The following EPRS1 variants were observed in gnomAD, a reference collection of about 807,000 sequenced individuals.
EPRS1 encodes the protein bifunctional glutamate/proline--tRNA ligase.
A neutral mutation model predicts 188.3 loss-of-function variants in EPRS1; 107 were observed. That is an observed-to-expected ratio of 0.57 (90% CI 0.49 to 0.67). The LOEUF (loss-of-function observed/expected upper bound fraction) is 0.67. Ranked by LOEUF, EPRS1 falls within the 30% of genes least tolerant of loss-of-function variation. The pLI is 0.00. For synonymous variants in EPRS1, 596 were observed against 593.1 expected (o/e 1.00, Z -0.07); for missense variants, 1,577 against 1,802.2 (o/e 0.88, Z 2.26).
intron 2 of EPRS1, among the ~76,000 whole-genome samples, chr1:220,036,762 C>T (rs1321469162): frequency 3.9e-5 from 6 of 152,036 alleles, no homozygotes; most frequent in Admixed American, 6.6e-5. Flanking sequence ...ATAATATGTA[C>T]AGCAAACCCC....
intron 20 of EPRS1, 51 bp downstream of exon 20, chr1:219,987,091 A>G (rs2647434): frequency 0.82 from 1,287,273 of 1,561,412 alleles, 532,513 homozygotes; most frequent in African/African-American, 0.97. Context: ...ACTATTAAGA[A>G]TTGAATTAAT....
At chr1:219,969,575 A>G (rs1489416039) in intron 30 of EPRS1, among the ~76,000 whole-genome samples, 1 of 151,804 alleles carries the variant, frequency 6.6e-6, no homozygotes, top group South Asian at 2.1e-4. Flanking sequence ...CGCAAATTTC[A>G]CTTTATGCCA....
intron 1 of EPRS1, among the ~76,000 whole-genome samples, chr1:220,041,208 T>C (rs932488975): frequency 6.6e-6 from 1 of 151,924 alleles, no homozygotes; most frequent in East Asian, 1.9e-4. Flanking sequence ...GGTACACACC[T>C]GTGGTCCCAG....
intron 28 of EPRS1, 133 bp from the exon 29 acceptor site, chr1:219,973,531 G>GAA (rs34026037): frequency 0.032 from 11,413 of 355,556 alleles, 281 homozygotes; most frequent in African/African-American, 0.12. Flanking sequence ...AAAAACAAGA[G>GAA]AAAAAAAAAA....
chr1:219,990,691 T>C (rs151070115), intron 18 of EPRS1, among the ~76,000 whole-genome samples: 1 of 152,318 alleles, frequency 6.6e-6, no homozygotes, highest in African/African-American at 2.4e-5. Flanking sequence ...CTAGGAAAAC[T>C]GCTTTTCGAA....
intron 6 of EPRS1, among the ~76,000 whole-genome samples, chr1:220,028,149 T>C (rs895498645): frequency 2.6e-5 from 4 of 152,114 alleles, no homozygotes; most frequent in East Asian, 1.9e-4. Flanking sequence ...GGGCCATAAG[T>C]TCCCAGGAAG....
chr1:219,994,340 C>T (rs566524914), intron 18 of EPRS1, among the ~76,000 whole-genome samples: 8 of 152,204 alleles, frequency 5.3e-5, no homozygotes, highest in African/African-American at 1.9e-4. Context: ...TGCCTTGAGC[C>T]CTGAGCTACA....
intron 14 of EPRS1, 128 bp downstream of exon 14, chr1:220,007,074 T>C (rs564897324): frequency 6.0e-6 from 4 of 669,184 alleles, no homozygotes; most frequent in Admixed American, 3.7e-5. Context: ...GAATTTGCAG[T>C]AGCTATGTCT....
intron 17 of EPRS1, among the ~76,000 whole-genome samples, chr1:219,997,832 ATCAC>A (rs1661266000): frequency 6.6e-6 from 1 of 152,192 alleles, no homozygotes; most frequent in Non-Finnish European, 1.5e-5. Flanking sequence ...AGCATTAGGT[ATCAC>A]TATTAATTTT....
Position 220,006,101 on chromosome 1 carries a change from G to T in EPRS1, c.1950+5C>A. On this transcript the variant is annotated splice_donor_5th_base_variant and intron_variant, in intron 15 of 31. Coordinates refer to ENST00000366923, the MANE Select transcript of EPRS1 (RefSeq NM_004446.3). ...AGGTGAAATATGGTTTCTTTGGAAG[G>T]TTACCTTACTGTTCTTGTTGACATA... is the stretch of plus-strand genomic sequence containing the variant. The T allele has an allele frequency of 6.6e-7, 1 of 1,521,136 alleles. No homozygotes were observed. The highest frequency in any genetic ancestry group is 8.9e-7 in the Non-Finnish European group (1 of 1,123,374). 94.2% of individuals were successfully genotyped at this position (1,521,136 alleles called of 1,614,324 possible).
chr1:219,973,106 T>C, intron 29 of EPRS1, 132 bp downstream of exon 29: 1 of 700,006 alleles, frequency 1.4e-6, no homozygotes, highest in South Asian at 2.1e-5. Context: ...GAGTGGCAAA[T>C]TAAGTAGCAT....
chr1:220,007,439 C>A, intron 13 of EPRS1, 101 bp from the exon 14 acceptor site: 1 of 1,157,266 alleles, frequency 8.6e-7, no homozygotes, highest in Non-Finnish European at 1.2e-6. Context: ...ATACAAAAGT[C>A]TTCTGTGTTA....
chr1:220,027,217 G>A (rs559928265), intron 6 of EPRS1, among the ~76,000 whole-genome samples: 5 of 151,914 alleles, frequency 3.3e-5, no homozygotes, highest in Admixed American at 6.6e-5. Context: ...GAGGTCAGGA[G>A]ATCAAGACCA....
intron 1 of EPRS1, 151 bp downstream of exon 1, chr1:220,046,192 C>A: frequency 1.1e-6 from 1 of 883,254 alleles, no homozygotes; most frequent in Admixed American, 2.5e-5. Flanking sequence ...GGGTGCGGAG[C>A]CTCCTCCACG....
In EPRS1 at chr1:220,005,308, T is replaced by C. The variant is rs765183434; in HGVS notation, c.2003A>G (p.Asp668Gly). ...TCCTCTTCTCTGGAGTTGTATAATA[T>C]CTCCTTTTTTCAAATCCTTAAGGCA... ...DPCLKDLKKG[D>G]IIQLQRRGFF... The change falls in exon 16 of 32, where the codon GAT (aspartate) becomes GGT (glycine). Residue 668 changes from aspartate to glycine, a missense_variant. This residue lies in a region of EPRS1 where 1,278 missense variants were observed against 1,457.4 expected (regional missense o/e 0.88). Coordinates refer to ENST00000366923, the MANE Select transcript of EPRS1 (RefSeq NM_004446.3). The C allele has an allele frequency of 1.9e-6, 3 of 1,600,874 alleles. No individual in the cohort carries two copies. Among genetic ancestry groups the C allele is most frequent in the South Asian group, 1.1e-5 (1 of 87,990 alleles).
chr1:220,018,919 A>G, intron 11 of EPRS1, 76 bp downstream of exon 11: 1 of 930,306 alleles, frequency 1.1e-6, no homozygotes, highest in Non-Finnish European at 1.7e-6. Flanking sequence ...CAACAGAGAT[A>G]ATAAAGAGTA....
rs151187442 is a variant in EPRS1, at chr1:220,006,116, T to C, written c.1940A>G (p.Lys647Arg). The C allele has an allele frequency of 1.2e-5, 19 of 1,571,450 alleles. No homozygotes were observed. The African/African-American group carries it at 2.2e-4, about 18-fold the overall frequency. The change falls in exon 15 of 32, where the codon AAG (lysine) becomes AGG (arginine). Residue 647 changes from lysine (K) to arginine (R), a missense_variant. Coordinates refer to ENST00000366923, the MANE Select transcript of EPRS1 (RefSeq NM_004446.3). Reference protein sequence around the residue: ...KDEDFKQYVNKNSKHEELMLG... With the variant: ...KDEDFKQYVNRNSKHEELMLG... ...TCTTTGGAAGGTTACCTTACTGTTCTTGTTGACATACTGCTTAAAGTCCTC... is the reference window on the plus strand; with the variant it reads ...TCTTTGGAAGGTTACCTTACTGTTCCTGTTGACATACTGCTTAAAGTCCTC...
At chr1:219,985,696 C>A (rs989787027) in intron 20 of EPRS1, among the ~76,000 whole-genome samples, 1 of 152,156 alleles carries the variant, frequency 6.6e-6, no homozygotes, top group African/African-American at 2.4e-5. Flanking sequence ...TGAACCACCA[C>A]GCCTGGCCTC....
intron 2 of EPRS1, among the ~76,000 whole-genome samples, chr1:220,035,865 T>C (rs767208538): frequency 1.4e-4 from 22 of 152,096 alleles, no homozygotes; most frequent in Non-Finnish European, 2.8e-4. Flanking sequence ...CAAGAATCTA[T>C]TGCTAATAAA....
Sources: gnomAD v4.1 joint callset for allele counts (sites outside exome capture counted in the v4.1 genomes callset) on GRCh38, gnomAD v4.1.1 for gene constraint, gnomAD v4.1.1 regional missense constraint, MANE v1.5 for transcripts, NCBI Gene and HGNC (gene_info 2026-07-23, HGNC 2026-07-21) for gene names.